The following ABCC5 variants were observed in gnomAD, a reference collection of about 807,000 sequenced individuals.
ABCC5 encodes ATP binding cassette subfamily C member 5.
Under a neutral mutation model 160.9 loss-of-function variants are expected in ABCC5, and 61 were observed. The ratio of observed to expected loss-of-function variants is 0.38; its 90% confidence interval spans 0.31 to 0.47. ABCC5 has a LOEUF of 0.47. ABCC5 is among the 20% of genes least tolerant of loss of function. The probability of loss-of-function intolerance (pLI) is 0.99; values close to 1 mark genes in which losing one functional copy is unlikely to be tolerated. For synonymous variants in ABCC5, 666 were observed against 700.6 expected, an observed-to-expected ratio of 0.95 and a Z score of 0.78; for missense variants, 1,308 against 1,813.3, an observed-to-expected ratio of 0.72 and a Z score of 5.06.
intron 11 of ABCC5, among the ~76,000 whole-genome samples, chr3:183,970,061 G>C (rs1277845249): frequency 6.6e-6 from 1 of 152,182 alleles, no homozygotes; most frequent in Non-Finnish European, 1.5e-5. Context: ...GCAGCAACCA[G>C]AATGATCCTC....
chr3:183,983,143 C>T, intron 5 of ABCC5, 136 bp from the exon 6 acceptor site: 1 of 729,308 alleles, frequency 1.4e-6, no homozygotes, highest in South Asian at 1.8e-5. Context: ...CTTTGGAAGA[C>T]CCAATTATTA....
At position 183,965,530 on chromosome 3, in the gene ABCC5, T is replaced by C. The variant is rs1379565737; in HGVS notation, c.1834-29A>G. ...GGGAGAGAGACACCATCCAATGGCA[T>C]CATAACTCAAAACCATCACCCTATG... On this transcript the variant is annotated intron_variant, in intron 12 of 29. Coordinates refer to ENST00000334444, the MANE Select transcript of ABCC5 (RefSeq NM_005688.4). 5 of 1,612,802 alleles carry C rather than the reference T, an allele frequency of 3.1e-6. No individual in the cohort carries two copies. The Admixed American group carries it at 5.0e-5, about 16-fold the overall frequency.
intron 17 of ABCC5, among the ~76,000 whole-genome samples, chr3:183,953,638 T>C (rs1475281605): frequency 2.0e-5 from 3 of 152,180 alleles, no homozygotes; most frequent in Non-Finnish European, 2.9e-5. Flanking sequence ...CTGGGAGGCA[T>C]ACTTGACCTA....
chr3:183,956,503 C>T (rs559883687), intron 17 of ABCC5, among the ~76,000 whole-genome samples: 12 of 143,630 alleles, frequency 8.4e-5, no homozygotes, highest in Admixed American at 3.5e-4. Context: ...CATGCGGATC[C>T]GTGTGTATAT....
chr3:184,000,935 A>AT (rs1720696799), intron 2 of ABCC5: 1 of 340,846 alleles, frequency 2.9e-6, no homozygotes, highest in Non-Finnish European at 5.2e-6. Flanking sequence ...TGTAATTTAA[A>AT]TTTTTCTAGT....
Position 183,954,483 on chromosome 3 carries a change from C to T in ABCC5, c.2483-1213G>A, listed in dbSNP as rs114799016. ...TTTTTAACTAGATCTCGCAGCTGACCGTGTGGAAGACAGGTTCAAAACGAG... is the reference window on the plus strand; with the variant it reads ...TTTTTAACTAGATCTCGCAGCTGACTGTGTGGAAGACAGGTTCAAAACGAG... On this transcript the variant is annotated intron_variant, in intron 17 of 29. Transcript: ENST00000334444. Among the ~76,000 whole-genome samples, 1,517 of 152,196 alleles carry T rather than the reference C, an allele frequency of 1.0e-2. 23 individuals are homozygous for T. The highest frequency in any genetic ancestry group is 0.034 in the African/African-American group (1,426 of 41,530).
intron 5 of ABCC5, chr3:183,984,429 T>C: frequency 9.9e-7 from 1 of 1,008,120 alleles, no homozygotes; most frequent in Non-Finnish European, 1.2e-6. Context: ...CAGAGCTGAA[T>C]GACAGACAAA....
chr3:183,933,015 G>T (rs1221869493), intron 26 of ABCC5, among the ~76,000 whole-genome samples: 1 of 151,758 alleles, frequency 6.6e-6, no homozygotes, highest in Non-Finnish European at 1.5e-5. Flanking sequence ...TAAAAATACA[G>T]AAATTAGCCA....
Position 183,949,902 on chromosome 3 carries a change from G to T in ABCC5, c.3099-21C>A, listed in dbSNP as rs755889816. The T allele has an allele frequency of 6.2e-7, 1 of 1,613,998 alleles. No homozygotes were observed. The highest frequency in any genetic ancestry group is 8.5e-7 in the Non-Finnish European group (1 of 1,180,012). ...GGACCCTGGAGAGAGAATGAGCTCC[G>T]TGTCACAGCACCTACCCAGCAACTG... On this transcript the variant is annotated intron_variant, in intron 21 of 29. Transcript: ENST00000334444. This position sits in a 1 kb window ranked among gnomAD's most constrained non-coding sequence, Gnocchi z 4.2.
rs201667859 is a variant in ABCC5 at position 183,988,586 on chromosome 3, G to T, written c.429C>A (p.Asp143Glu). 5.0e-6 allele frequency: 8 copies of T among 1,613,880 alleles called. No individual in the cohort carries two copies. Among genetic ancestry groups the T allele is most frequent in the Non-Finnish European group, 5.1e-6 (6 of 1,179,926 alleles). ...VWSLSKHESS[D>E]VNCRRLERLW... ...GAGGCGCCTACCTTCTGCAGTTCACGTCAGAAGACTCGTGCTTGGACAGAG... is the reference window on the plus strand; with the variant it reads ...GAGGCGCCTACCTTCTGCAGTTCACTTCAGAAGACTCGTGCTTGGACAGAG... The change falls in exon 4 of 30, where the codon GAC (aspartate) becomes GAA (glutamate). Residue 143 changes from aspartate to glutamate, a missense_variant. By Grantham distance (45) the Asp-to-Glu change is conservative. Around this residue, in one of 3 missense-constraint regions of ABCC5, gnomAD observed 1,142 missense variants for 1,527.1 expected, o/e 0.75. Transcript: ENST00000334444. This position sits in a 1 kb window ranked among gnomAD's most constrained non-coding sequence, Gnocchi z 4.4.
At position 183,988,856 on chromosome 3, in the gene ABCC5, G is replaced by A; in HGVS notation, c.288-129C>T. The A allele has an allele frequency of 8.8e-7, 1 of 1,140,198 alleles. No homozygotes were observed. The highest frequency in any genetic ancestry group is 2.1e-4 in the Middle Eastern group (1 of 4,692). The allele number at this position is 1,140,198 out of a possible 1,614,324, so 70.6% of individuals were successfully genotyped here. A position where few individuals can be genotyped will look rare whatever the true frequency, so the allele number is the denominator to read the frequency against. On this transcript the variant is annotated intron_variant, in intron 3 of 29. Transcript: ENST00000334444. The surrounding 1 kb of genome is among the most constrained non-coding windows in gnomAD (Gnocchi z 4.4). ...AGTCTCCCCAGATGATCTAATCTTAGCCTGAATGTTCTAAAACGGCTTTGA... is the reference window on the plus strand; with the variant it reads ...AGTCTCCCCAGATGATCTAATCTTAACCTGAATGTTCTAAAACGGCTTTGA...
At chr3:183,989,037 T>C (rs1370179679) in intron 3 of ABCC5, among the ~76,000 whole-genome samples, 189 bp downstream of exon 3, 1 of 151,158 alleles carries the variant, frequency 6.6e-6, no homozygotes, top group Non-Finnish European at 1.5e-5. Context: ...TTGGTGGTGG[T>C]GCACGCCTGT....
chr3:183,995,650 T>C (rs966418846), intron 2 of ABCC5, among the ~76,000 whole-genome samples: 3 of 152,238 alleles, frequency 2.0e-5, no homozygotes, highest in Non-Finnish European at 2.9e-5. Context: ...TACCCCTACA[T>C]TGATACTACT....
intron 10 of ABCC5, chr3:183,972,145 A>G (rs1717810768): frequency 1.3e-6 from 1 of 776,806 alleles, no homozygotes; most frequent in African/African-American, 1.7e-5. Context: ...ATGACCCAAT[A>G]TTCCACATGA....
chr3:183,934,184 T>G (rs1452939484), intron 26 of ABCC5, among the ~76,000 whole-genome samples: 2 of 152,178 alleles, frequency 1.3e-5, no homozygotes, highest in Non-Finnish European at 2.9e-5. Flanking sequence ...CCCATGCCTG[T>G]GGTCCCAGCG....
Position 183,951,822 on chromosome 3 carries a change from A to G in ABCC5, c.2814+35T>C, listed in dbSNP as rs752008715. On this transcript the variant is annotated intron_variant, in intron 19 of 29. Coordinates refer to ENST00000334444, the MANE Select transcript of ABCC5 (RefSeq NM_005688.4). The surrounding 1 kb of genome is among the most constrained non-coding windows in gnomAD (Gnocchi z 4.7). ...CACCAAAGCCTGACCACAGGTCACC[A>G]GGGAGGAGGGCAGAGACCACCCACC... 1.2e-6 allele frequency: 2 copies of G among 1,602,036 alleles called. No homozygotes were observed. Among genetic ancestry groups the G allele is most frequent in the Non-Finnish European group, 1.7e-6 (2 of 1,172,760 alleles).
At position 183,988,565 on chromosome 3, in the gene ABCC5, C is replaced by T. The variant is rs762838755; in HGVS notation, c.443+7G>A. On this transcript the variant is annotated splice_region_variant and intron_variant, in intron 4 of 29. Coordinates refer to ENST00000334444, the MANE Select transcript of ABCC5 (RefSeq NM_005688.4). This position sits in a 1 kb window ranked among gnomAD's most constrained non-coding sequence, Gnocchi z 4.4. ...GGGGGAGATGAGGGTGGACCAGAGG[C>T]GCCTACCTTCTGCAGTTCACGTCAG... 6.8e-6 allele frequency: 11 copies of T among 1,610,022 alleles called. No individual in the cohort carries two copies. In the East Asian group the frequency reaches 1.3e-4, roughly 20 times the overall value.
At position 183,963,432 on chromosome 3, in the gene ABCC5, T is replaced by G; in HGVS notation, c.2188A>C (p.Lys730Gln). ...AGAACTGTCTTGGACTTGAGATGTT[T>G]CCGGATAGCACTATTGAAGATGTGG... ...GNHIFNSAIR[K>Q]HLKSKTVLFV... The change falls in exon 15 of 30, where the codon AAA becomes CAA. Residue 730 changes from lysine to glutamine, a missense_variant. Physicochemically the swap from Lys to Gln is moderately conservative, Grantham distance 53 (BLOSUM62 1). Coordinates refer to ENST00000334444, the MANE Select transcript of ABCC5 (RefSeq NM_005688.4). The surrounding 1 kb of genome is among the most constrained non-coding windows in gnomAD (Gnocchi z 4.6). 1 of 1,614,226 alleles carries G rather than the reference T, an allele frequency of 6.2e-7. No homozygotes were observed. Among genetic ancestry groups the G allele is most frequent in the Non-Finnish European group, 8.5e-7 (1 of 1,180,050 alleles).
At chr3:183,924,079 T>C (rs1235469033) in intron 29 of ABCC5, among the ~76,000 whole-genome samples, 1 of 147,422 alleles carries the variant, frequency 6.8e-6, no homozygotes, top group East Asian at 2.1e-4. Context: ...GCAGTGGCGC[T>C]ATCTCAGCTC....
Sources: allele counts gnomAD v4.1 joint callset (sites outside exome capture counted in the v4.1 genomes callset), GRCh38; gene constraint gnomAD v4.1.1; regional missense constraint gnomAD v4.1.1; non-coding constraint Gnocchi (gnomAD v3.1); transcripts MANE v1.5; gene names NCBI Gene and HGNC (gene_info 2026-07-23, HGNC 2026-07-21).